The following NRDC variants were observed in gnomAD, a reference collection of about 807,000 sequenced individuals.
The protein encoded by NRDC is nardilysin.
Under a neutral mutation model 147.1 loss-of-function variants are expected in NRDC, and 54 were observed. The observed-to-expected ratio is 0.37, with a 90% CI of 0.29 to 0.46. The LOEUF (loss-of-function observed/expected upper bound fraction) is 0.46, where lower values mean the gene tolerates loss of function less well. NRDC is among the 20% of genes least tolerant of loss of function. The pLI, the probability that NRDC is intolerant of heterozygous loss-of-function variation, is 1.00. For missense variants in NRDC, 1,082 were observed against 1,370.6 expected (o/e 0.79, Z 3.33); for synonymous variants, 440 against 482.1 (o/e 0.91, Z 1.14).
At chr1:51,794,763 G>A (rs931339803) in intron 23 of NRDC, 60 bp downstream of exon 23, 20 of 1,597,272 alleles carry the variant, frequency 1.3e-5, no homozygotes, top group Non-Finnish European at 1.5e-5. Flanking sequence ...CTGAATTGTG[G>A]CTCCATGCCC....
intron 21 of NRDC, among the ~76,000 whole-genome samples, chr1:51,799,978 T>C (rs572345552): frequency 2.0e-5 from 3 of 152,324 alleles, no homozygotes; most frequent in Admixed American, 1.3e-4. Context: ...GTTTGTTTTT[T>C]GTTTGTTTTT....
intron 1 of NRDC, among the ~76,000 whole-genome samples, chr1:51,845,576 G>C (rs1050253294): frequency 2.6e-5 from 4 of 152,144 alleles, no homozygotes; most frequent in Non-Finnish European, 5.9e-5. Flanking sequence ...CTGGGCGACA[G>C]AGCGAGACTC....
chr1:51,875,256 C>G (rs190355605), intron 1 of NRDC, among the ~76,000 whole-genome samples: 29 of 152,236 alleles, frequency 1.9e-4, no homozygotes, highest in African/African-American at 6.3e-4. Context: ...ATTGAAACTC[C>G]AGTATATAAA....
intron 1 of NRDC, among the ~76,000 whole-genome samples, chr1:51,877,821 A>C (rs1047692036): frequency 6.6e-6 from 1 of 152,200 alleles, no homozygotes; most frequent in Non-Finnish European, 1.5e-5. Context: ...CTGAAGCCAC[A>C]CCATCCTCTG....
chr1:51,850,947 A>T (rs985688356), intron 1 of NRDC, among the ~76,000 whole-genome samples: 1 of 151,990 alleles, frequency 6.6e-6, no homozygotes, highest in African/African-American at 2.4e-5. Context: ...GGGTGAGCCA[A>T]CTCCGGTTTG....
intron 14 of NRDC, among the ~76,000 whole-genome samples, chr1:51,812,961 CAAAA>C (rs5774107): frequency 1.4e-5 from 1 of 71,812 alleles, no homozygotes; most frequent in African/African-American, 6.2e-5. Flanking sequence ...GACTCTGTCT[CAAAA>C]AAAAAAAAAA....
chr1:51,789,514 C>G (rs1297297400), intron 30 of NRDC, 54 bp downstream of exon 30: 22 of 1,590,262 alleles, frequency 1.4e-5, no homozygotes, highest in Non-Finnish European at 1.9e-5. Flanking sequence ...ACCACCCAAA[C>G]TCACTCAGTA....
At chr1:51,847,244 A>C (rs758312261) in intron 1 of NRDC, among the ~76,000 whole-genome samples, 4 of 152,190 alleles carry the variant, frequency 2.6e-5, no homozygotes, top group Non-Finnish European at 5.9e-5. Context: ...TGACTGGTGT[A>C]TCCACAATCC....
chr1:51,853,007 G>T (rs1391597512), intron 1 of NRDC, among the ~76,000 whole-genome samples: 4 of 151,804 alleles, frequency 2.6e-5, no homozygotes. Flanking sequence ...GTAGATCATG[G>T]TGTCAGGAGT....
At chr1:51,847,920 T>C (rs1681735602) in intron 1 of NRDC, among the ~76,000 whole-genome samples, 1 of 152,260 alleles carries the variant, frequency 6.6e-6, no homozygotes, top group African/African-American at 2.4e-5. Flanking sequence ...GCCAGCACGC[T>C]GTCACCTCTC....
At chr1:51,823,506 C>T (rs1680302901) in intron 7 of NRDC, among the ~76,000 whole-genome samples, 158 bp downstream of exon 7, 1 of 152,122 alleles carries the variant, frequency 6.6e-6, no homozygotes, top group South Asian at 2.1e-4. Context: ...TGAGCTTTGC[C>T]ACTAGCTACG....
chr1:51,844,557 A>G (rs1276896250), intron 1 of NRDC, among the ~76,000 whole-genome samples: 1 of 151,850 alleles, frequency 6.6e-6, no homozygotes, highest in Admixed American at 6.6e-5. Context: ...CCTGGCCAAC[A>G]TGGTGAAACC....
At position 51,818,125 on chromosome 1, in the gene NRDC, G is replaced by T. The variant is rs1190826221; in HGVS notation, c.1302C>A (p.Ile434=). 6.2e-7 allele frequency: 1 copy of T among 1,602,816 alleles called. No homozygotes were observed. Among genetic ancestry groups the T allele is most frequent in the African/African-American group, 1.3e-5 (1 of 74,168 alleles). Residue 434 remains isoleucine (I), a synonymous_variant, in exon 10 of 31, where the codon ATC becomes ATA. Transcript: ENST00000352171. ...AFNKLYRVVP[I]RKIHALTITW... is the part of the protein sequence containing the mutation. ...TGATGGTCAGAGCATGAATTTTTCTGATTGGAACAACTAAACAAAAATATT... is the reference window on the plus strand; with the variant it reads ...TGATGGTCAGAGCATGAATTTTTCTTATTGGAACAACTAAACAAAAATATT...
At chr1:51,797,980 G>T in intron 22 of NRDC, 1 of 371,370 alleles carries the variant, frequency 2.7e-6, no homozygotes, top group Non-Finnish European at 4.9e-6. Context: ...GTGTTGCCTG[G>T]ACTGGTCTCG....
rs1460996413 is a variant in NRDC, at chr1:51,791,769, T to C, written c.2877-108A>G. ...AGTTTCTGCCCATCCTTATTGGAACTGGAAGTCCTGAAACAGGACCCAAAA... is the reference window on the plus strand; with the variant it reads ...AGTTTCTGCCCATCCTTATTGGAACCGGAAGTCCTGAAACAGGACCCAAAA... On this transcript the variant is annotated intron_variant, in intron 26 of 30. Coordinates refer to ENST00000352171, the MANE Select transcript of NRDC (RefSeq NM_001101662.2). 14 of 914,976 alleles carry C rather than the reference T, an allele frequency of 1.5e-5. No homozygotes were observed. The East Asian group carries it at 3.2e-4, about 21-fold the overall frequency. The allele number at this position is 914,976 out of a possible 1,614,324, so 56.7% of individuals were successfully genotyped here. A position where few individuals can be genotyped will look rare whatever the true frequency, so the allele number is the denominator to read the frequency against.
intron 1 of NRDC, among the ~76,000 whole-genome samples, chr1:51,852,487 TA>T (rs1682006217): frequency 5.5e-4 from 1 of 1,822 alleles, no homozygotes; most frequent in Non-Finnish European, 1.3e-3. Flanking sequence ...ACATTATATA[TA>T]ACATGTATAT....
At chr1:51,800,523 C>A (rs1404598078) in intron 21 of NRDC, 33 bp downstream of exon 21, 19 of 1,611,052 alleles carry the variant, frequency 1.2e-5, no homozygotes, top group Non-Finnish European at 1.6e-5. Context: ...CTTTCAGGTC[C>A]TCAAAATATA....
chr1:51,820,938 T>A (rs1433935608), intron 8 of NRDC, among the ~76,000 whole-genome samples: 2 of 152,100 alleles, frequency 1.3e-5, no homozygotes, highest in African/African-American at 2.4e-5. Context: ...TTTTGATGAA[T>A]TTGAGGTGGA....
chr1:51,860,496 A>C (rs947125302), intron 1 of NRDC, among the ~76,000 whole-genome samples: 1 of 152,086 alleles, frequency 6.6e-6, no homozygotes, highest in African/African-American at 2.4e-5. Context: ...TCTTTCTCTT[A>C]CTCGACTCTC....
Sources: gnomAD v4.1 joint callset for allele counts (sites outside exome capture counted in the v4.1 genomes callset) on GRCh38, gnomAD v4.1.1 for gene constraint, MANE v1.5 for transcripts, NCBI Gene and HGNC (gene_info 2026-07-23, HGNC 2026-07-21) for gene names.